Variants in CACNA2D4 observed in about 807,000 individuals in gnomAD.
CACNA2D4 encodes the protein calcium voltage-gated channel auxiliary subunit alpha2delta 4.
In CACNA2D4, 157 loss-of-function variants were observed where a neutral mutation model predicts 163.8. The ratio of observed to expected loss-of-function variants is 0.96; its 90% CI spans 0.84 to 1.09. The LOEUF is 1.09. CACNA2D4 is among the 50% of genes least tolerant of loss of function. CACNA2D4 has a pLI of 0.00. For missense variants in CACNA2D4, 1,410 were observed against 1,479.9 expected (o/e 0.95, Z 0.78); for synonymous variants, 598 against 586.9 (o/e 1.02, Z -0.27).
Position 1,820,972 on chromosome 12 carries a change from G to A in CACNA2D4, c.2552-9249C>T, listed in dbSNP as rs959080961. Among the ~76,000 whole-genome samples the A allele has an allele frequency of 2.0e-4, 30 of 152,334 alleles. No individual in the cohort carries two copies. The highest frequency in any genetic ancestry group is 1.8e-3 in the Admixed American group (27 of 15,302). On this transcript the variant is annotated intron_variant, in intron 26 of 37. Coordinates refer to ENST00000382722, the MANE Select transcript of CACNA2D4 (RefSeq NM_172364.5). This position sits in a 1 kb window ranked among gnomAD's most constrained non-coding sequence, Gnocchi z 6.0. Reference sequence around the variant, plus strand: ...TGCTGGGGCCGAAGAAGCTGCTCGGGCTCAGGCACCTGAGCATCCCAAAGG... The same window carrying A: ...TGCTGGGGCCGAAGAAGCTGCTCGGACTCAGGCACCTGAGCATCCCAAAGG...
chr12:1,882,524 T>C (rs1470468971), intron 13 of CACNA2D4, among the ~76,000 whole-genome samples: 1 of 133,992 alleles, frequency 7.5e-6, no homozygotes, highest in African/African-American at 2.7e-5. Context: ...CTGACCCCTT[T>C]CTGTCCCGGG....
chr12:1,862,692 G>T (rs1283897837), intron 18 of CACNA2D4, among the ~76,000 whole-genome samples: 1 of 152,198 alleles, frequency 6.6e-6, no homozygotes, highest in Middle Eastern at 3.2e-3. Context: ...GGATTAGAGG[G>T]ATGAGCCACC....
rs1183570625 is a variant in CACNA2D4 at position 1,800,469 on chromosome 12, C to G, written c.2869-31G>C. 3 of 1,612,642 alleles carry G rather than the reference C, an allele frequency of 1.9e-6. No individual in the cohort carries two copies. In the Admixed American group the frequency reaches 5.0e-5, roughly 27 times the overall value. Reference sequence around the variant, plus strand: ...AAGGAGAGAGTGCACACCGCTCGCACCTAGGTCCAAGGGTGAGGGTGCCCC... The same window carrying G: ...AAGGAGAGAGTGCACACCGCTCGCAGCTAGGTCCAAGGGTGAGGGTGCCCC... On this transcript the variant is annotated intron_variant, in intron 31 of 37. Coordinates refer to ENST00000382722, the MANE Select transcript of CACNA2D4 (RefSeq NM_172364.5).
Position 1,793,682 on chromosome 12 carries a change from C to G in CACNA2D4, c.3387G>C (p.Trp1129Cys). 1.9e-6 allele frequency: 3 copies of G among 1,613,874 alleles called. No individual in the cohort carries two copies. Among genetic ancestry groups the G allele is most frequent in the Non-Finnish European group, 2.5e-6 (3 of 1,179,884 alleles). The stretch of plus-strand genomic sequence containing the variant: ...ACCGCAGGAGTTGGGGCAGTAGCCC[C>G]CAGGCACACACAGGCAGCAGGAGTA... ...PPLLLLPVCAWGLLPQLLR is the reference protein window; with the variant it reads ...PPLLLLPVCACGLLPQLLR The change falls in exon 38 of 38, where the codon TGG becomes TGC. Residue 1129 changes from tryptophan to cysteine, a missense_variant. Trp to Cys is a radical substitution (Grantham distance 215, BLOSUM62 -2). Transcript: ENST00000382722.
At chr12:1,830,717 C>T (rs562714239) in intron 26 of CACNA2D4, among the ~76,000 whole-genome samples, 20 of 152,320 alleles carry the variant, frequency 1.3e-4, no homozygotes, top group East Asian at 1.9e-4. Flanking sequence ...CAAGGCAGGG[C>T]GCCCTGCAGA....
Position 1,911,507 on chromosome 12 carries a change from ACT to A in CACNA2D4, c.426+1514_426+1515del, listed in dbSNP as rs1235714986. Reference sequence around the variant, plus strand: ...TGGGTAGGATAATTCCTGCCTCCCCACTCTCAGCCTACAGATCCTAGGATAAG... The same window carrying A: ...TGGGTAGGATAATTCCTGCCTCCCCACTCAGCCTACAGATCCTAGGATAAG... On this transcript the variant is annotated intron_variant, in intron 3 of 37. Coordinates refer to ENST00000382722, the MANE Select transcript of CACNA2D4 (RefSeq NM_172364.5). 4.0e-5 allele frequency among the ~76,000 whole-genome samples: 6 copies of A among 151,394 alleles called. No homozygotes were observed. In the East Asian group the frequency reaches 1.2e-3, roughly 29 times the overall value.
At chr12:1,796,151 G>A (rs1216581524) in intron 35 of CACNA2D4, among the ~76,000 whole-genome samples, 1 of 152,226 alleles carries the variant, frequency 6.6e-6, no homozygotes, top group Non-Finnish European at 1.5e-5. Context: ...GGTGGCGGGG[G>A]CAGGCCCGGG....
intron 8 of CACNA2D4, 51 bp downstream of exon 8, chr12:1,886,172 A>T: frequency 6.3e-7 from 1 of 1,598,876 alleles, no homozygotes; most frequent in Non-Finnish European, 8.6e-7. Context: ...GTACCTGTGT[A>T]TGATTTCTAG....
At chr12:1,885,432 C>T (rs1565729191) in intron 9 of CACNA2D4, among the ~76,000 whole-genome samples, 1 of 152,168 alleles carries the variant, frequency 6.6e-6, no homozygotes, top group African/African-American at 2.4e-5. Context: ...CACTTCACAG[C>T]AGAAAGTGTG....
chr12:1,877,468 C>G (rs781473378), intron 16 of CACNA2D4, among the ~76,000 whole-genome samples: 28 of 152,224 alleles, frequency 1.8e-4, no homozygotes, highest in Non-Finnish European at 2.9e-4. Context: ...CCTGATCTCT[C>G]TCTATTCAGA....
rs1867058529 is a variant in CACNA2D4, at chr12:1,918,566, T to C, written c.-93A>G. The C allele has an allele frequency of 1.0e-6, 1 of 972,054 alleles. No homozygotes were observed. The highest frequency in any genetic ancestry group is 2.7e-5 in the Admixed American group (1 of 36,756). The allele number at this position is 972,054 out of a possible 1,614,324, so 60.2% of individuals were successfully genotyped here. A position where few individuals can be genotyped will look rare whatever the true frequency, so the allele number is the denominator to read the frequency against. On this transcript the variant is annotated 5_prime_UTR_variant, in exon 1 of 38. Coordinates refer to ENST00000382722, the MANE Select transcript of CACNA2D4 (RefSeq NM_172364.5). ...CCTGGGGTCTCCAGCCTCTCAGTCCTGGGTGGGGAGGGCTTCTCTCTGCCC... is the reference window on the plus strand; with the variant it reads ...CCTGGGGTCTCCAGCCTCTCAGTCCCGGGTGGGGAGGGCTTCTCTCTGCCC...
rs767999612 is a variant in CACNA2D4, at chr12:1,878,983, C to T, written c.1617G>A (p.Glu539=). 6.2e-7 allele frequency: 1 copy of T among 1,613,906 alleles called. No homozygotes were observed. Among genetic ancestry groups the T allele is most frequent in the East Asian group, 2.2e-5 (1 of 44,880 alleles). The change falls in exon 15 of 38, where the codon GAG becomes GAA. Residue 539 remains glutamate (E), a synonymous_variant. Transcript: ENST00000382722. The surrounding 1 kb of genome is among the most constrained non-coding windows in gnomAD (Gnocchi z 4.6). ...GVVGSDVALR[E]LMKLAPRYKL... Reference sequence around the variant, plus strand: ...TGTACCGGGGCGCCAGCTTCATCAGCTCTCTCAGGGCCACATCTGAGCCCA... The same window carrying T: ...TGTACCGGGGCGCCAGCTTCATCAGTTCTCTCAGGGCCACATCTGAGCCCA...
In CACNA2D4 at chr12:1,792,022, AC is replaced by A. The variant is rs1387749994; in HGVS notation, c.*1632del. On this transcript the variant is annotated 3_prime_UTR_variant, in exon 38 of 38. Coordinates refer to ENST00000382722, the MANE Select transcript of CACNA2D4 (RefSeq NM_172364.5). ...TATGCCAGGCAGTTTCAAGCATGTT[AC>A]GTGAATACATCACATTCAATCTTCA... is the stretch of plus-strand genomic sequence containing the variant. 1 of 152,252 alleles carries A rather than the reference AC, an allele frequency of 6.6e-6. No individual in the cohort carries two copies. The highest frequency in any genetic ancestry group is 1.5e-5 in the Non-Finnish European group (1 of 68,046). 9.4% of individuals were successfully genotyped at this position (152,252 alleles called of 1,614,324 possible).
At chr12:1,918,207 G>T (rs1220743173) in intron 1 of CACNA2D4, 40 bp downstream of exon 1, 1 of 1,468,724 alleles carries the variant, frequency 6.8e-7, no homozygotes, top group South Asian at 1.2e-5. Context: ...GTGGGAAAGG[G>T]TGACCGGGTT....
chr12:1,874,580 C>A lies in CACNA2D4; in HGVS notation c.1878+24G>T. On this transcript the variant is annotated intron_variant, in intron 18 of 37. Transcript: ENST00000382722. This position sits in a 1 kb window ranked among gnomAD's most constrained non-coding sequence, Gnocchi z 4.4. The stretch of plus-strand genomic sequence containing the variant: ...AATGAAGATGCCTTCCTAGGCCATG[C>A]CCTGGCTGTTTCTAGCTCCTTACCC... 1 of 1,555,338 alleles carries A rather than the reference C, an allele frequency of 6.4e-7. No homozygotes were observed. Among genetic ancestry groups the A allele is most frequent in the Non-Finnish European group, 8.9e-7 (1 of 1,126,546 alleles).
intron 20 of CACNA2D4, among the ~76,000 whole-genome samples, chr12:1,856,777 G>A (rs914486238): frequency 6.6e-6 from 1 of 152,200 alleles, no homozygotes; most frequent in African/African-American, 2.4e-5. Context: ...ACACGCTGTT[G>A]ACTGAAAGAA....
At chr12:1,814,417 T>C (rs573413684) in intron 26 of CACNA2D4, among the ~76,000 whole-genome samples, 1 of 152,202 alleles carries the variant, frequency 6.6e-6, no homozygotes, top group Non-Finnish European at 1.5e-5. Flanking sequence ...CAACCGCCTA[T>C]TGGCATGTCA....
intron 25 of CACNA2D4, among the ~76,000 whole-genome samples, chr12:1,842,034 C>G (rs1865035831): frequency 6.6e-6 from 1 of 152,204 alleles, no homozygotes; most frequent in African/African-American, 2.4e-5. Flanking sequence ...AGCCCATTTT[C>G]TGGGACAGAC....
rs534868139 is a variant in CACNA2D4 at position 1,828,328 on chromosome 12, G to A, written c.2551+12411C>T. 535 of 946,556 alleles carry A rather than the reference G, an allele frequency of 5.7e-4. No individual in the cohort carries two copies. The highest frequency in any genetic ancestry group is 7.5e-4 in the Non-Finnish European group (500 of 664,190). The allele number at this position is 946,556 out of a possible 1,614,324, so 58.6% of individuals were successfully genotyped here. A position where few individuals can be genotyped will look rare whatever the true frequency, so the allele number is the denominator to read the frequency against. On this transcript the variant is annotated intron_variant, in intron 26 of 37. Coordinates refer to ENST00000382722, the MANE Select transcript of CACNA2D4 (RefSeq NM_172364.5). The surrounding 1 kb of genome is among the most constrained non-coding windows in gnomAD (Gnocchi z 4.2). ...ACACTCAGGCTGCAGGGAGGCCTACGCCAGATCTTCCTGGGGTACCCGAGG... is the reference window on the plus strand; with the variant it reads ...ACACTCAGGCTGCAGGGAGGCCTACACCAGATCTTCCTGGGGTACCCGAGG...
Sources: gnomAD v4.1 joint callset for allele counts (sites outside exome capture counted in the v4.1 genomes callset) on GRCh38, gnomAD v4.1.1 for gene constraint, Gnocchi (gnomAD v3.1) non-coding constraint, MANE v1.5 for transcripts, NCBI Gene and HGNC (gene_info 2026-07-23, HGNC 2026-07-21) for gene names.